Variants in SNTG1 observed in about 807,000 individuals in gnomAD.
SNTG1 encodes the protein gamma-1-syntrophin.
SNTG1 carries 39 observed loss-of-function variants against 74.7 expected under a neutral mutation model. The ratio of observed to expected loss-of-function variants is 0.52; its 90% CI spans 0.40 to 0.68. The LOEUF (loss-of-function observed/expected upper bound fraction) is 0.68. Ranked by LOEUF, SNTG1 falls within the 30% of genes least tolerant of loss-of-function variation. The pLI is 0.00. For missense variants in SNTG1, 685 were observed against 609.5 expected (o/e 1.12, Z -1.30); for synonymous variants, 254 against 217.1 (o/e 1.17, Z -1.49).
chr8:50,717,538 C>T (rs1416639508), intron 17 of SNTG1, among the ~76,000 whole-genome samples: 2 of 152,070 alleles, frequency 1.3e-5, no homozygotes, highest in African/African-American at 4.8e-5. Flanking sequence ...GCATTATTTC[C>T]AGCTAGCCCA....
chr8:50,283,961 A>T (rs1375943), intron 2 of SNTG1, among the ~76,000 whole-genome samples: 1 of 151,892 alleles, frequency 6.6e-6, no homozygotes. Flanking sequence ...AATTACTATA[A>T]ATTGTTGGTA....
Position 50,475,119 on chromosome 8 carries a change from T to C in SNTG1, c.363+24390T>C, listed in dbSNP as rs2131777859. On this transcript the variant is annotated intron_variant, in intron 8 of 18. Coordinates refer to ENST00000642720, the MANE Select transcript of SNTG1 (RefSeq NM_018967.5). Reference sequence around the variant, plus strand: ...GGAGGGATAGCATTAGCAGATATACTGAATGCTAAATGATGAGTTAATGGG... The same window carrying C: ...GGAGGGATAGCATTAGCAGATATACCGAATGCTAAATGATGAGTTAATGGG... Among the ~76,000 whole-genome samples the C allele has an allele frequency of 3.3e-5, 5 of 151,392 alleles. No homozygotes were observed. The South Asian group carries it at 1.1e-3, about 32-fold the overall frequency.
chr8:49,967,626 C>T (rs928963165), intron 1 of SNTG1, among the ~76,000 whole-genome samples: 1 of 152,006 alleles, frequency 6.6e-6, no homozygotes, highest in African/African-American at 2.4e-5. Context: ...AATTTTTAGC[C>T]TTTTCTCAAC....
chr8:50,498,069 A>G (rs1267585019), intron 8 of SNTG1, among the ~76,000 whole-genome samples: 2 of 151,948 alleles, frequency 1.3e-5, no homozygotes, highest in Admixed American at 1.3e-4. Context: ...GCTGCTATGA[A>G]TATTCATGAA....
chr8:50,089,459 G>A (rs998722567), intron 1 of SNTG1, among the ~76,000 whole-genome samples: 22 of 151,432 alleles, frequency 1.5e-4, no homozygotes, highest in Admixed American at 4.6e-4. Context: ...TACCATCAGA[G>A]TGAACAGGCA....
At chr8:50,249,783 A>T (rs188730690) in intron 2 of SNTG1, among the ~76,000 whole-genome samples, 72 of 152,300 alleles carry the variant, frequency 4.7e-4, no homozygotes, top group Middle Eastern at 6.8e-3. Context: ...CCAATGCTAC[A>T]TTCTCAACCA....
intron 8 of SNTG1, among the ~76,000 whole-genome samples, chr8:50,478,575 T>G (rs900696812): frequency 2.0e-5 from 3 of 152,212 alleles, no homozygotes; most frequent in African/African-American, 7.2e-5. Context: ...TTGCTATAAG[T>G]TGTAAACTGT....
intron 1 of SNTG1, among the ~76,000 whole-genome samples, chr8:49,958,268 A>G (rs1810360381): frequency 6.6e-6 from 1 of 152,178 alleles, no homozygotes; most frequent in East Asian, 1.9e-4. Context: ...TCCAGCAGGG[A>G]GGCACATACC....
intron 13 of SNTG1, among the ~76,000 whole-genome samples, chr8:50,632,476 A>T (rs997937010): frequency 6.6e-6 from 1 of 151,496 alleles, no homozygotes; most frequent in African/African-American, 2.4e-5. Flanking sequence ...ACACCCAGCT[A>T]ATTTTTGTAT....
chr8:50,611,356 G>A (rs539057066), intron 13 of SNTG1, among the ~76,000 whole-genome samples: 1 of 152,148 alleles, frequency 6.6e-6, no homozygotes, highest in Non-Finnish European at 1.5e-5. Flanking sequence ...GCATAAAAGT[G>A]AGAATCCCAG....
intron 2 of SNTG1, among the ~76,000 whole-genome samples, chr8:50,392,496 A>G (rs765224188): frequency 6.6e-6 from 1 of 152,182 alleles, no homozygotes; most frequent in African/African-American, 2.4e-5. Flanking sequence ...CCCTCTCCCA[A>G]TGTTTTAGAA....
chr8:50,772,717 T>C (rs900984527), intron 18 of SNTG1, among the ~76,000 whole-genome samples: 1 of 152,112 alleles, frequency 6.6e-6, no homozygotes, highest in Non-Finnish European at 1.5e-5. Context: ...ATTCCCAATA[T>C]GGCAGTGTTG....
chr8:50,562,926 C>T (rs1021909017), intron 12 of SNTG1, among the ~76,000 whole-genome samples: 1 of 152,158 alleles, frequency 6.6e-6, no homozygotes, highest in African/African-American at 2.4e-5. Context: ...TGATCAGAAT[C>T]GTTGCATTCA....
At chr8:50,462,207 T>G (rs2093569542) in intron 8 of SNTG1, among the ~76,000 whole-genome samples, 1 of 136,554 alleles carries the variant, frequency 7.3e-6, no homozygotes, top group Admixed American at 7.6e-5. Flanking sequence ...CTTGTAAATT[T>G]TGGTTTATGA....
intron 1 of SNTG1, among the ~76,000 whole-genome samples, chr8:50,033,943 A>G (rs1817944123): frequency 1.3e-5 from 2 of 152,208 alleles, no homozygotes; most frequent in African/African-American, 4.8e-5. Context: ...CACAGATGGG[A>G]AAAGATAAGC....
At chr8:50,222,318 C>G (rs909974808) in intron 2 of SNTG1, among the ~76,000 whole-genome samples, 1 of 152,166 alleles carries the variant, frequency 6.6e-6, no homozygotes, top group Non-Finnish European at 1.5e-5. Context: ...ATCATTTAAA[C>G]TATAAACTAA....
At chr8:50,625,484 G>C (rs1364188350) in intron 13 of SNTG1, among the ~76,000 whole-genome samples, 1 of 152,048 alleles carries the variant, frequency 6.6e-6, no homozygotes, top group Non-Finnish European at 1.5e-5. Flanking sequence ...ACACCCTGTA[G>C]AACACCATAA....
intron 8 of SNTG1, among the ~76,000 whole-genome samples, chr8:50,462,118 G>T (rs1317923618): frequency 6.6e-6 from 1 of 151,966 alleles, no homozygotes; most frequent in African/African-American, 2.4e-5. Context: ...GTAACCAAAA[G>T]CCAGCTGTAC....
At chr8:50,295,875 T>G (rs956492043) in intron 2 of SNTG1, among the ~76,000 whole-genome samples, 1 of 152,160 alleles carries the variant, frequency 6.6e-6, no homozygotes, top group African/African-American at 2.4e-5. Context: ...TGAGCCTAAT[T>G]TCATTCTAGA....
Sources: gnomAD v4.1 joint callset for allele counts (sites outside exome capture counted in the v4.1 genomes callset) on GRCh38, gnomAD v4.1.1 for gene constraint, MANE v1.5 for transcripts, NCBI Gene and HGNC (gene_info 2026-07-23, HGNC 2026-07-21) for gene names.